The following CHST9 variants were observed in gnomAD, a reference collection of about 807,000 sequenced individuals.
CHST9 encodes GalNAc-4-sulfotransferase 2.
In CHST9, 41 loss-of-function variants were observed where a neutral mutation model predicts 44.4. The observed-to-expected ratio is 0.92, with a 90% CI of 0.72 to 1.20. The LOEUF is 1.20. Ranked by LOEUF, CHST9 falls within the 50% of genes most tolerant of loss-of-function variation. CHST9 has a pLI of 0.00. For synonymous variants in CHST9, 171 were observed against 178.4 expected (o/e 0.96, Z 0.33); for missense variants, 504 against 516.5 (o/e 0.98, Z 0.23).
intron 5 of CHST9, among the ~76,000 whole-genome samples, chr18:26,939,145 G>A (rs1268205186): frequency 6.6e-6 from 1 of 152,162 alleles, no homozygotes; most frequent in Non-Finnish European, 1.5e-5. Context: ...TTAGAATATA[G>A]GGTAGAAAAT....
intron 2 of CHST9, among the ~76,000 whole-genome samples, chr18:27,141,296 C>T (rs1450048535): frequency 2.0e-5 from 3 of 152,084 alleles, no homozygotes; most frequent in South Asian, 2.1e-4. Context: ...ACCCAGCAGG[C>T]GGAGCTTGCA....
chr18:27,125,972 C>T (rs756594926), intron 2 of CHST9, among the ~76,000 whole-genome samples: 14 of 152,050 alleles, frequency 9.2e-5, no homozygotes, highest in Non-Finnish European at 2.1e-4. Flanking sequence ...AGTTTGATAA[C>T]TAATCTGAAT....
At chr18:27,158,442 T>C (rs1209365921) in intron 1 of CHST9, among the ~76,000 whole-genome samples, 2 of 151,544 alleles carry the variant, frequency 1.3e-5, no homozygotes, top group African/African-American at 4.8e-5. Flanking sequence ...ACTCATCATT[T>C]TTTATGGCTG....
intron 4 of CHST9, among the ~76,000 whole-genome samples, chr18:27,015,235 T>C (rs772034650): frequency 1.7e-4 from 26 of 152,150 alleles, no homozygotes; most frequent in Non-Finnish European, 4.4e-5. Context: ...GCCCCATGAT[T>C]AGACATCCTG....
At chr18:26,961,216 C>A (rs569520853) in intron 4 of CHST9, among the ~76,000 whole-genome samples, 1 of 152,128 alleles carries the variant, frequency 6.6e-6, no homozygotes, top group Non-Finnish European at 1.5e-5. Flanking sequence ...CTCCGTGCAG[C>A]AATTAAAAAT....
Position 26,917,109 on chromosome 18 carries a change from CT to C in CHST9, c.481del (p.Ser161ValfsTer2). The C allele has an allele frequency of 6.2e-7, 1 of 1,613,760 alleles. No homozygotes were observed. Among genetic ancestry groups the C allele is most frequent in the Non-Finnish European group, 8.5e-7 (1 of 1,179,864 alleles). Reference protein sequence around the residue: ...WPVDIHPLNKSLVKDNKWKKT... With the variant: ...WPVDIHPLNKXLVKDNKWKKT... ...CTTCCATTTATTATCTTTGACTAAA[CT>C]TTTGTTTAAAGGGTGAATGTCCACT... On this transcript the variant is annotated frameshift_variant, in exon 6 of 6. Transcript: ENST00000618847. LOFTEE classifies it high-confidence loss of function.
intron 2 of CHST9, among the ~76,000 whole-genome samples, chr18:27,080,248 C>T (rs1176958981): frequency 1.3e-5 from 2 of 151,780 alleles, no homozygotes; most frequent in Non-Finnish European, 2.9e-5. Flanking sequence ...ATTAACTGAC[C>T]AAAAAATGGT....
intron 3 of CHST9, among the ~76,000 whole-genome samples, chr18:27,036,384 G>A (rs2057390716): frequency 6.6e-6 from 1 of 152,150 alleles, no homozygotes; most frequent in African/African-American, 2.4e-5. Context: ...AAACTGATGT[G>A]GCAATCCAAC....
chr18:27,011,131 G>C (rs1009580286), intron 4 of CHST9, among the ~76,000 whole-genome samples: 1 of 152,106 alleles, frequency 6.6e-6, no homozygotes, highest in African/African-American at 2.4e-5. Context: ...GGTCTTTTTG[G>C]GTAATTAGTG....
intron 4 of CHST9, among the ~76,000 whole-genome samples, chr18:26,945,428 T>C (rs1252132402): frequency 6.6e-6 from 1 of 152,188 alleles, no homozygotes; most frequent in East Asian, 1.9e-4. Flanking sequence ...TCCACCTCCA[T>C]GCTTTCCCTA....
At chr18:26,957,566 C>A (rs370750064) in intron 4 of CHST9, among the ~76,000 whole-genome samples, 64 of 141,668 alleles carry the variant, frequency 4.5e-4, no homozygotes, top group Admixed American at 5.6e-4. Flanking sequence ...AACTACACTG[C>A]AAAAAAAAAA....
chr18:26,910,000 A>T lies in CHST9; in HGVS notation c.*6259T>A, dbSNP rs1057113756. 6.6e-6 allele frequency: 1 copy of T among 152,192 alleles called. No individual in the cohort carries two copies. Among genetic ancestry groups the T allele is most frequent in the Admixed American group, 6.5e-5 (1 of 15,276 alleles). The allele number at this position is 152,192 out of a possible 1,614,324, so 9.4% of individuals were successfully genotyped here. ...GAAGCGGGCACACCTGCAAAACAGA[A>T]GAGATTTTTGGATGAAGGTTATAGA... On this transcript the variant is annotated 3_prime_UTR_variant, in exon 6 of 6. Coordinates refer to ENST00000618847, the MANE Select transcript of CHST9 (RefSeq NM_031422.6).
chr18:27,091,173 T>C (rs1240298286), intron 2 of CHST9, among the ~76,000 whole-genome samples: 3 of 152,176 alleles, frequency 2.0e-5, no homozygotes, highest in African/African-American at 7.2e-5. Flanking sequence ...CCCTTGTAAG[T>C]TGGATTCCTA....
chr18:27,029,004 G>C (rs2143484548), intron 3 of CHST9, among the ~76,000 whole-genome samples: 1 of 152,278 alleles, frequency 6.6e-6, no homozygotes, highest in Middle Eastern at 3.4e-3. Context: ...ACTAGTGGTG[G>C]AACTAGAATT....
intron 4 of CHST9, among the ~76,000 whole-genome samples, chr18:27,008,647 G>A (rs2057045752): frequency 6.6e-6 from 1 of 152,130 alleles, no homozygotes; most frequent in Non-Finnish European, 1.5e-5. Flanking sequence ...TGCATAAAGT[G>A]TTAAATGAGT....
intron 4 of CHST9, among the ~76,000 whole-genome samples, chr18:26,978,077 T>C (rs907108658): frequency 1.3e-5 from 2 of 148,190 alleles, no homozygotes; most frequent in Non-Finnish European, 3.0e-5. Flanking sequence ...AGACATCTGC[T>C]CTTTTCCTGT....
Position 26,916,902 on chromosome 18 carries a change from AT to A in CHST9, c.688del (p.Ile230PhefsTer2). 6.2e-7 allele frequency: 1 copy of A among 1,613,932 alleles called. No homozygotes were observed. Among genetic ancestry groups the A allele is most frequent in the Non-Finnish European group, 8.5e-7 (1 of 1,179,860 alleles). On this transcript the variant is annotated frameshift_variant, in exon 6 of 6. Transcript: ENST00000618847. LOFTEE classifies it high-confidence loss of function. ...AGCCAATCCATTTAGTACCATCAGA[AT>A]TCTTTTCCAATTGGAACAGCCAGCC... Reference protein sequence around the residue: ...PKAGCSNWKRILMVLNGLASS... With the variant: ...PKAGCSNWKRXLMVLNGLASS...
At chr18:27,149,094 T>G (rs2058638860) in intron 1 of CHST9, among the ~76,000 whole-genome samples, 1 of 128,692 alleles carries the variant, frequency 7.8e-6, no homozygotes, top group South Asian at 3.3e-4. Flanking sequence ...CACCCACTTT[T>G]TGATGGGGTT....
intron 4 of CHST9, among the ~76,000 whole-genome samples, chr18:27,002,776 T>C (rs954127938): frequency 1.1e-4 from 16 of 152,152 alleles, no homozygotes; most frequent in Admixed American, 5.9e-4. Context: ...GAAAAGCAAA[T>C]ATTCTATCTT....
Sources: gnomAD v4.1 joint callset for allele counts (sites outside exome capture counted in the v4.1 genomes callset) on GRCh38, gnomAD v4.1.1 for gene constraint, MANE v1.5 for transcripts, NCBI Gene and HGNC (gene_info 2026-07-23, HGNC 2026-07-21) for gene names.